RIN2: variants seen among roughly 807,000 people sequenced by gnomAD.
RIN2 encodes the protein Ras and Rab interactor 2.
Under a neutral mutation model 78.0 loss-of-function variants are expected in RIN2, and 36 were observed. The ratio of observed to expected loss-of-function variants is 0.46; its 90% confidence interval spans 0.35 to 0.61. RIN2 has a LOEUF of 0.61. Ranked by LOEUF, RIN2 falls within the 20% of genes least tolerant of loss-of-function variation. The probability of loss-of-function intolerance (pLI) is 0.00; values close to 1 mark genes in which losing one functional copy is unlikely to be tolerated. For synonymous variants in RIN2, 466 were observed against 466.8 expected, an observed-to-expected ratio of 1.00 and a Z score of 0.02; for missense variants, 1,087 against 1,159.7, an observed-to-expected ratio of 0.94 and a Z score of 0.91.
intron 4 of RIN2, among the ~76,000 whole-genome samples, chr20:19,956,289 GA>G (rs1213116242): frequency 1.4e-5 from 2 of 144,674 alleles, no homozygotes; most frequent in African/African-American, 2.5e-5. Context: ...AAAAGAAAAA[GA>G]AAAAAAGAAA....
intron 2 of RIN2, among the ~76,000 whole-genome samples, chr20:19,884,758 G>C (rs2038128009): frequency 6.6e-6 from 1 of 152,066 alleles, no homozygotes; most frequent in African/African-American, 2.4e-5. Flanking sequence ...AACTTCCCTG[G>C]ACCCAGACAC....
At chr20:19,867,234 T>G (rs2037538548) in intron 2 of RIN2, among the ~76,000 whole-genome samples, 2 of 152,242 alleles carry the variant, frequency 1.3e-5, no homozygotes, top group African/African-American at 4.8e-5. Flanking sequence ...TCTAAACCAT[T>G]GGACAGTAAG....
At chr20:19,904,053 C>A (rs2039104427) in intron 3 of RIN2, among the ~76,000 whole-genome samples, 2 of 151,742 alleles carry the variant, frequency 1.3e-5, no homozygotes, top group African/African-American at 4.8e-5. Flanking sequence ...GAGTTCAAGA[C>A]CAGCCTGGTC....
At chr20:19,860,287 C>T (rs1176609424) in intron 2 of RIN2, among the ~76,000 whole-genome samples, 1 of 151,990 alleles carries the variant, frequency 6.6e-6, no homozygotes, top group Non-Finnish European at 1.5e-5. Context: ...TGCCCCTTTA[C>T]ATGGGTGATT....
intron 11 of RIN2, among the ~76,000 whole-genome samples, chr20:19,994,978 ACCT>A (rs1410037935): frequency 6.6e-6 from 1 of 152,138 alleles, no homozygotes; most frequent in Non-Finnish European, 1.5e-5. Context: ...GGAAAAAATA[ACCT>A]CAAGTCTTCA....
At chr20:19,776,307 T>C (rs890703754) in intron 1 of RIN2, among the ~76,000 whole-genome samples, 1 of 152,156 alleles carries the variant, frequency 6.6e-6, no homozygotes, top group African/African-American at 2.4e-5. Flanking sequence ...ATGAGAAACA[T>C]TTACCATCTC....
chr20:19,938,330 C>T (rs759394417), intron 4 of RIN2, among the ~76,000 whole-genome samples: 5 of 152,132 alleles, frequency 3.3e-5, no homozygotes, highest in Non-Finnish European at 7.4e-5. Flanking sequence ...GTGATCTTCC[C>T]GCCTCAGCCT....
intron 2 of RIN2, among the ~76,000 whole-genome samples, chr20:19,863,452 C>T (rs1197760227): frequency 6.6e-6 from 1 of 152,166 alleles, no homozygotes; most frequent in Admixed American, 6.5e-5. Flanking sequence ...CCACAAGCAG[C>T]CTTCAACCAA....
At position 19,833,418 on chromosome 20, in the gene RIN2, G is replaced by A. The variant is rs555088492; in HGVS notation, c.-37+33671G>A. Among the ~76,000 whole-genome samples, 179 of 151,878 alleles carry A rather than the reference G, an allele frequency of 1.2e-3. 1 individual carries two copies. The highest frequency in any genetic ancestry group is 1.3e-3 in the Non-Finnish European group (88 of 67,994). ...CTTTATGTTTCCTCCCCTCACTCCC[G>A]ACTCCCCAACAGGACCCGGTATGTG... On this transcript the variant is annotated intron_variant, in intron 2 of 12. Transcript: ENST00000255006.
At chr20:19,811,093 C>T (rs982178093) in intron 2 of RIN2, among the ~76,000 whole-genome samples, 2 of 151,554 alleles carry the variant, frequency 1.3e-5, no homozygotes, top group East Asian at 1.9e-4. Flanking sequence ...GATGTATAAA[C>T]CAATTAGTAA....
At chr20:19,903,327 G>A (rs187888403) in intron 3 of RIN2, among the ~76,000 whole-genome samples, 7 of 152,216 alleles carry the variant, frequency 4.6e-5, no homozygotes, top group Admixed American at 3.3e-4. Flanking sequence ...CCATTTCGTC[G>A]TTTTTGTGGT....
intron 1 of RIN2, among the ~76,000 whole-genome samples, chr20:19,792,103 TGAAA>T (rs1387579029): frequency 7.9e-5 from 12 of 152,152 alleles, no homozygotes; most frequent in South Asian, 4.1e-4. Context: ...CAGTATGAGC[TGAAA>T]GAAAGAAATT....
intron 4 of RIN2, among the ~76,000 whole-genome samples, chr20:19,950,171 A>C (rs1160946171): frequency 6.6e-6 from 1 of 152,162 alleles, no homozygotes; most frequent in African/African-American, 2.4e-5. Context: ...TTTGGTTGTA[A>C]TTGGAATGGG....
chr20:19,787,041 C>T (rs2034700123), intron 1 of RIN2, among the ~76,000 whole-genome samples: 2 of 152,104 alleles, frequency 1.3e-5, no homozygotes, highest in Non-Finnish European at 2.9e-5. Flanking sequence ...CTGCTGGTCT[C>T]AAGGATTTCT....
intron 4 of RIN2, among the ~76,000 whole-genome samples, chr20:19,944,946 T>C (rs117038712): frequency 5.5e-4 from 84 of 152,290 alleles, no homozygotes; most frequent in Non-Finnish European, 9.1e-4. Context: ...TTTGTGACTA[T>C]CCAAAAATTA....
At chr20:19,985,193 C>T (rs1417737215) in intron 9 of RIN2, among the ~76,000 whole-genome samples, 1 of 152,222 alleles carries the variant, frequency 6.6e-6, no homozygotes, top group African/African-American at 2.4e-5. Flanking sequence ...CCTTGTCTAT[C>T]TCCAGCCTCT....
At chr20:19,775,538 C>T (rs1180343636) in intron 1 of RIN2, among the ~76,000 whole-genome samples, 1 of 152,198 alleles carries the variant, frequency 6.6e-6, no homozygotes, top group Non-Finnish European at 1.5e-5. Context: ...GAGGTGACAT[C>T]ACTAATTTAT....
chr20:19,992,083 T>G, intron 10 of RIN2, 85 bp from the exon 11 acceptor site: 1 of 1,497,888 alleles, frequency 6.7e-7, no homozygotes, highest in African/African-American at 1.4e-5. Flanking sequence ...AGTGACTCCT[T>G]GCTGTCTAAT....
At chr20:19,815,497 C>T (rs138595341) in intron 2 of RIN2, among the ~76,000 whole-genome samples, 1 of 152,200 alleles carries the variant, frequency 6.6e-6, no homozygotes. Context: ...TGAGTTCAAT[C>T]TTGCCATCAA....
Sources: allele counts gnomAD v4.1 joint callset (sites outside exome capture counted in the v4.1 genomes callset), GRCh38; gene constraint gnomAD v4.1.1; transcripts MANE v1.5; gene names NCBI Gene and HGNC (gene_info 2026-07-23, HGNC 2026-07-21).